GPR155: variants seen among roughly 807,000 people sequenced by gnomAD.
The protein encoded by GPR155 is lysosomal cholesterol signaling protein.
GPR155 carries 65 observed loss-of-function variants against 93.1 expected under a neutral mutation model. The ratio of observed to expected loss-of-function variants is 0.70; its 90% CI spans 0.57 to 0.86. GPR155 has a LOEUF of 0.86. GPR155 is among the 40% of genes least tolerant of loss of function. The pLI is 0.00. For synonymous variants in GPR155, 319 were observed against 360.1 expected (o/e 0.89, Z 1.29); for missense variants, 838 against 1,034.8 (o/e 0.81, Z 2.61).
chr2:174,470,187 C>T (rs184452216), intron 4 of GPR155, among the ~76,000 whole-genome samples: 4 of 152,214 alleles, frequency 2.6e-5, no homozygotes, highest in East Asian at 1.9e-4. Flanking sequence ...GGGCTGGGCA[C>T]GGTGGCTCAT....
chr2:174,455,564 T>A (rs1196414222), intron 10 of GPR155, among the ~76,000 whole-genome samples: 1 of 151,944 alleles, frequency 6.6e-6, no homozygotes, highest in Non-Finnish European at 1.5e-5. Flanking sequence ...AAACAGGAAG[T>A]TCAGTTAGGA....
intron 14 of GPR155, among the ~76,000 whole-genome samples, chr2:174,440,249 C>T (rs993481925): frequency 6.6e-6 from 1 of 152,140 alleles, no homozygotes; most frequent in Admixed American, 6.5e-5. Flanking sequence ...CATTCAATTT[C>T]CTATTCAAAG....
chr2:174,477,878 G>A (rs1688211673), intron 2 of GPR155, among the ~76,000 whole-genome samples: 1 of 152,106 alleles, frequency 6.6e-6, no homozygotes, highest in Non-Finnish European at 1.5e-5. Flanking sequence ...GCCACCCACT[G>A]TGCTTCCTAT....
chr2:174,438,939 AT>A (rs1264943842), intron 15 of GPR155, among the ~76,000 whole-genome samples: 3 of 152,218 alleles, frequency 2.0e-5, no homozygotes, highest in Non-Finnish European at 4.4e-5. Flanking sequence ...TATCACAGAC[AT>A]TCTGTCATCT....
Position 174,445,973 on chromosome 2 carries a change from G to A in GPR155, c.2013+638C>T, listed in dbSNP as rs558289515. 1.2e-4 allele frequency among the ~76,000 whole-genome samples: 18 copies of A among 151,732 alleles called. No homozygotes were observed. The South Asian group carries it at 3.7e-3, about 32-fold the overall frequency. ...GGCATTTATCCACTTTGGTCAGTCAGGTATGTTAGGAATAAGTGGCCCTGT... is the reference window on the plus strand; with the variant it reads ...GGCATTTATCCACTTTGGTCAGTCAAGTATGTTAGGAATAAGTGGCCCTGT... On this transcript the variant is annotated intron_variant, in intron 12 of 15. Coordinates refer to ENST00000392552, the MANE Select transcript of GPR155 (RefSeq NM_152529.7).
At chr2:174,486,743 C>G (rs998679310) in intron 1 of GPR155, 130 bp downstream of exon 1, 1 of 153,238 alleles carries the variant, frequency 6.5e-6, no homozygotes, top group Non-Finnish European at 1.4e-5. Context: ...GACAACGGGC[C>G]GCGGGGCCAG....
rs371418930 is a variant in GPR155, at chr2:174,461,131, C to T, written c.1560+271G>A. ...TTATTAAATGGTTTTAAATTAATCA[C>T]TCTTTTCTCCAGCACAGGAAACACA... On this transcript the variant is annotated intron_variant, in intron 9 of 15. Coordinates refer to ENST00000392552, the MANE Select transcript of GPR155 (RefSeq NM_152529.7). Among the ~76,000 whole-genome samples the T allele has an allele frequency of 2.0e-4, 31 of 152,268 alleles. No homozygotes were observed. In the South Asian group the frequency reaches 6.2e-3, roughly 31 times the overall value.
Position 174,475,365 on chromosome 2 carries a change from G to A in GPR155, c.461-2001C>T, listed in dbSNP as rs553222968. On this transcript the variant is annotated intron_variant, in intron 2 of 15. Transcript: ENST00000392552. Reference sequence around the variant, plus strand: ...TTTACACTAAGATAAAATGATATAGGTAGGAAAATACACTTGTTTACTTAC... The same window carrying A: ...TTTACACTAAGATAAAATGATATAGATAGGAAAATACACTTGTTTACTTAC... Among the ~76,000 whole-genome samples the A allele has an allele frequency of 3.3e-5, 5 of 149,722 alleles. No individual in the cohort carries two copies. In the East Asian group the frequency reaches 9.8e-4, roughly 29 times the overall value.
Position 174,448,923 on chromosome 2 carries a change from G to T in GPR155, c.1877-2176C>A, listed in dbSNP as rs570824700. ...TAAACTAAAGAGCTTCTGCATAGCAGAAGAAACTATGAACAGAGTAGACAG... is the reference window on the plus strand; with the variant it reads ...TAAACTAAAGAGCTTCTGCATAGCATAAGAAACTATGAACAGAGTAGACAG... On this transcript the variant is annotated intron_variant, in intron 11 of 15. Coordinates refer to ENST00000392552, the MANE Select transcript of GPR155 (RefSeq NM_152529.7). 2.6e-5 allele frequency among the ~76,000 whole-genome samples: 4 copies of T among 152,288 alleles called. No individual in the cohort carries two copies. In the East Asian group the frequency reaches 7.7e-4, roughly 29 times the overall value.
intron 1 of GPR155, among the ~76,000 whole-genome samples, chr2:174,486,262 A>T (rs964601946): frequency 6.6e-6 from 1 of 152,096 alleles, no homozygotes; most frequent in African/African-American, 2.4e-5. Context: ...GTCTGCAGGG[A>T]CAGACTGTGG....
At chr2:174,455,051 G>A (rs1394063174) in intron 10 of GPR155, among the ~76,000 whole-genome samples, 1 of 152,132 alleles carries the variant, frequency 6.6e-6, no homozygotes, top group Non-Finnish European at 1.5e-5. Context: ...CAAAATAGAA[G>A]AGAGGATTTT....
At chr2:174,453,350 T>C (rs1559104492) in intron 11 of GPR155, among the ~76,000 whole-genome samples, 1 of 152,196 alleles carries the variant, frequency 6.6e-6, no homozygotes, top group Non-Finnish European at 1.5e-5. Flanking sequence ...TGTAGAGTTC[T>C]TTTGAGGGAT....
Position 174,482,000 on chromosome 2 carries a change from GAAGA to G in GPR155, c.-31-17_-31-14del. The G allele has an allele frequency of 1.5e-6, 2 of 1,359,092 alleles. No individual in the cohort carries two copies. Among genetic ancestry groups the G allele is most frequent in the Non-Finnish European group, 2.1e-6 (2 of 972,688 alleles). The allele number at this position is 1,359,092 out of a possible 1,614,324, so 84.2% of individuals were successfully genotyped here. ...TCCAACCAGATCTCTGGAAAGAAAG[GAAGA>G]AAGATTCAGTATGGCCATCAACAAG... On this transcript the variant is annotated splice_polypyrimidine_tract_variant and intron_variant, in intron 1 of 15. Coordinates refer to ENST00000392552, the MANE Select transcript of GPR155 (RefSeq NM_152529.7).
intron 2 of GPR155, among the ~76,000 whole-genome samples, chr2:174,481,027 C>G (rs1430342344): frequency 6.6e-6 from 1 of 152,140 alleles, no homozygotes; most frequent in African/African-American, 2.4e-5. Flanking sequence ...GATCTGCCCC[C>G]CTCGGCCTCC....
At position 174,468,728 on chromosome 2, in the gene GPR155, G is replaced by A. The variant is rs571314956; in HGVS notation, c.1182+184C>T. On this transcript the variant is annotated intron_variant, in intron 5 of 15. Transcript: ENST00000392552. ...TAAATCTCATGTCTTGTCTGCTATA[G>A]AACTCTAACTCCCAAATAGAAAAAC... is the stretch of plus-strand genomic sequence containing the variant. Among the ~76,000 whole-genome samples the A allele has an allele frequency of 7.2e-5, 11 of 152,320 alleles. No individual in the cohort carries two copies. The East Asian group carries it at 1.7e-3, about 24-fold the overall frequency.
chr2:174,457,311 C>G (rs1474451045), intron 10 of GPR155, among the ~76,000 whole-genome samples: 3 of 151,912 alleles, frequency 2.0e-5, no homozygotes, highest in East Asian at 1.9e-4. Flanking sequence ...GACTTTGTTT[C>G]AAAAGAAGAG....
At chr2:174,453,522 T>A (rs1687388487) in intron 11 of GPR155, among the ~76,000 whole-genome samples, 2 of 151,798 alleles carry the variant, frequency 1.3e-5, no homozygotes, top group Non-Finnish European at 2.9e-5. Context: ...TAGCTGGGCA[T>A]GGTGGTGGGC....
At chr2:174,472,070 A>C (rs1394655144) in intron 3 of GPR155, among the ~76,000 whole-genome samples, 1 of 152,220 alleles carries the variant, frequency 6.6e-6, no homozygotes, top group Non-Finnish European at 1.5e-5. Context: ...CATCATGTAG[A>C]ACTCCATGGC....
chr2:174,471,936 A>T (rs1033940500), intron 3 of GPR155, among the ~76,000 whole-genome samples: 4 of 152,224 alleles, frequency 2.6e-5, no homozygotes, highest in African/African-American at 9.6e-5. Flanking sequence ...TATTATTATG[A>T]AAACAGTAGA....
Sources: allele counts gnomAD v4.1 joint callset (sites outside exome capture counted in the v4.1 genomes callset), GRCh38; gene constraint gnomAD v4.1.1; transcripts MANE v1.5; gene names NCBI Gene and HGNC (gene_info 2026-07-23, HGNC 2026-07-21).